Variants in BABAM2 observed in about 807,000 individuals in gnomAD.
The protein encoded by BABAM2 is BRISC and BRCA1-A complex member 2.
Under a neutral mutation model 54.7 loss-of-function variants are expected in BABAM2, and 31 were observed. The observed-to-expected ratio is 0.57, with a 90% CI of 0.43 to 0.77. BABAM2 has a LOEUF of 0.77. Among genes scored for constraint, BABAM2 ranks in the 30% least tolerant of loss-of-function variants. The pLI is 0.00. For synonymous variants in BABAM2, 167 were observed against 162.9 expected (o/e 1.03, Z -0.19); for missense variants, 364 against 455.8 (o/e 0.80, Z 1.83).
At chr2:28,230,502 C>T (rs1243537372) in intron 7 of BABAM2, among the ~76,000 whole-genome samples, 1 of 151,630 alleles carries the variant, frequency 6.6e-6, no homozygotes, top group Admixed American at 6.6e-5. Context: ...ATCACTTGAG[C>T]CTAGGAGTTC....
intron 2 of BABAM2, among the ~76,000 whole-genome samples, chr2:27,910,045 T>G (rs1198643841): frequency 6.6e-6 from 1 of 152,244 alleles, no homozygotes; most frequent in African/African-American, 2.4e-5. Flanking sequence ...CAGGGTTGCA[T>G]AGCTAAGCCA....
At chr2:27,966,693 A>G (rs1325787909) in intron 3 of BABAM2, among the ~76,000 whole-genome samples, 1 of 152,218 alleles carries the variant, frequency 6.6e-6, no homozygotes, top group Admixed American at 6.5e-5. Flanking sequence ...CTCTGCGAAA[A>G]TGTCTGGCTG....
chr2:27,916,366 A>G (rs1666967722), intron 2 of BABAM2, among the ~76,000 whole-genome samples: 1 of 152,242 alleles, frequency 6.6e-6, no homozygotes, highest in East Asian at 1.9e-4. Flanking sequence ...CTGTACATTG[A>G]ATGTATGAAA....
chr2:28,266,824 A>G (rs532375694), intron 10 of BABAM2, among the ~76,000 whole-genome samples: 1 of 152,264 alleles, frequency 6.6e-6, no homozygotes, highest in African/African-American at 2.4e-5. Context: ...AAAACTTTTT[A>G]TTTTGGGATA....
intron 10 of BABAM2, among the ~76,000 whole-genome samples, chr2:28,247,826 G>A (rs1558470266): frequency 2.0e-5 from 3 of 152,164 alleles, no homozygotes; most frequent in Non-Finnish European, 4.4e-5. Flanking sequence ...TCTGACCTCA[G>A]ACTTTGCCAG....
intron 7 of BABAM2, among the ~76,000 whole-genome samples, chr2:28,180,665 CAG>C (rs1675523870): frequency 6.6e-6 from 1 of 152,026 alleles, no homozygotes; most frequent in Admixed American, 6.6e-5. Flanking sequence ...AACAAATCAA[CAG>C]AGTAAAGAGA....
At chr2:28,225,226 G>A (rs902594350) in intron 7 of BABAM2, among the ~76,000 whole-genome samples, 2 of 152,218 alleles carry the variant, frequency 1.3e-5, no homozygotes, top group African/African-American at 4.8e-5. Flanking sequence ...GAGAAGAGCA[G>A]CAGCTAGAGA....
At chr2:28,314,243 A>G (rs1212706405) in intron 11 of BABAM2, among the ~76,000 whole-genome samples, 1 of 152,196 alleles carries the variant, frequency 6.6e-6, no homozygotes, top group African/African-American at 2.4e-5. Context: ...TAACAACCTT[A>G]TGAGCTAGGT....
intron 7 of BABAM2, chr2:28,233,319 G>A (rs1372542443): frequency 1.1e-5 from 5 of 469,590 alleles, no homozygotes; most frequent in Non-Finnish European, 2.2e-5. Context: ...TGCAGTCCCG[G>A]GAATGTCTTG....
intron 11 of BABAM2, among the ~76,000 whole-genome samples, chr2:28,306,535 A>C (rs1057470397): frequency 1.3e-5 from 2 of 152,032 alleles, no homozygotes; most frequent in African/African-American, 4.8e-5. Context: ...TTGTTACACC[A>C]GCTTTCTTCT....
chr2:28,130,850 G>T (rs535633694), intron 7 of BABAM2, among the ~76,000 whole-genome samples: 10 of 151,478 alleles, frequency 6.6e-5, no homozygotes, highest in African/African-American at 2.4e-4. Flanking sequence ...AGTGATTCTC[G>T]GGTTTCAGCC....
At chr2:28,030,715 T>C (rs1676238752) in intron 5 of BABAM2, among the ~76,000 whole-genome samples, 1 of 152,144 alleles carries the variant, frequency 6.6e-6, no homozygotes, top group Non-Finnish European at 1.5e-5. Flanking sequence ...TCAGGGACTG[T>C]ATTAGTTTCC....
intron 7 of BABAM2, among the ~76,000 whole-genome samples, chr2:28,139,823 C>A (rs538135070): frequency 4.6e-5 from 7 of 152,252 alleles, no homozygotes; most frequent in Admixed American, 1.3e-4. Flanking sequence ...TTATATTAAA[C>A]TTCTATCCTT....
chr2:28,188,646 C>A (rs1486068579), intron 7 of BABAM2, among the ~76,000 whole-genome samples: 1 of 152,166 alleles, frequency 6.6e-6, no homozygotes, highest in East Asian at 1.9e-4. Flanking sequence ...GCTTTCCCAA[C>A]AACAGGCCTC....
intron 7 of BABAM2, among the ~76,000 whole-genome samples, chr2:28,160,956 A>G (rs1180530814): frequency 6.6e-6 from 1 of 152,158 alleles, no homozygotes. Context: ...CATTTATTCA[A>G]ATTTTCTGGA....
intron 10 of BABAM2, among the ~76,000 whole-genome samples, chr2:28,249,174 G>A (rs930962891): frequency 2.7e-5 from 4 of 147,908 alleles, no homozygotes; most frequent in African/African-American, 7.5e-5. Context: ...TGCAGCCTCC[G>A]CCACCTTGAG....
intron 7 of BABAM2, among the ~76,000 whole-genome samples, chr2:28,175,243 C>G (rs1026541323): frequency 3.3e-5 from 5 of 152,184 alleles, no homozygotes; most frequent in South Asian, 2.1e-4. Flanking sequence ...CTGTCCACCC[C>G]CTGCAGGGCT....
At chr2:28,288,796 C>T (rs1270301709) in intron 10 of BABAM2, among the ~76,000 whole-genome samples, 3 of 152,126 alleles carry the variant, frequency 2.0e-5, no homozygotes, top group South Asian at 4.1e-4. Flanking sequence ...TAACCTCAGG[C>T]GGCTGCCCTT....
At chr2:27,890,402 C>G (rs1374573431), upstream of BABAM2, 3 of 1,531,702 alleles carry the variant, frequency 2.0e-6, no homozygotes, top group African/African-American at 4.1e-5. This position sits in a 1 kb window ranked among gnomAD's most constrained non-coding sequence, Gnocchi z 4.8. Context: ...TGCCCGACCC[C>G]GTAACCAGAG....
Sources: gnomAD v4.1 joint callset for allele counts (sites outside exome capture counted in the v4.1 genomes callset) on GRCh38, gnomAD v4.1.1 for gene constraint, Gnocchi (gnomAD v3.1) non-coding constraint, MANE v1.5 for transcripts, NCBI Gene and HGNC (gene_info 2026-07-23, HGNC 2026-07-21) for gene names.